The following SLAMF6 variants were observed in gnomAD, a reference collection of about 807,000 sequenced individuals.
SLAMF6 encodes the protein SLAM family member 6.
SLAMF6 carries 21 observed loss-of-function variants against 38.3 expected under a neutral mutation model. The observed-to-expected ratio is 0.55, with a 90% confidence interval of 0.39 to 0.79. The LOEUF (loss-of-function observed/expected upper bound fraction) is 0.79, where lower values mean the gene tolerates loss of function less well. Among genes scored for constraint, SLAMF6 ranks in the 30% least tolerant of loss-of-function variants. The probability of loss-of-function intolerance (pLI) is 0.00; values close to 1 mark genes in which losing one functional copy is unlikely to be tolerated. For synonymous variants in SLAMF6, 152 were observed against 146.3 expected, an observed-to-expected ratio of 1.04 and a Z score of -0.28; for missense variants, 341 against 385.3, an observed-to-expected ratio of 0.89 and a Z score of 0.96.
intron 1 of SLAMF6, among the ~76,000 whole-genome samples, chr1:160,505,984 T>A: frequency 6.6e-6 from 1 of 150,428 alleles, no homozygotes; most frequent in Admixed American, 6.6e-5. Context: ...AAGAAAAGAG[T>A]GAAGAAAAAT....
At chr1:160,498,205 A>G (rs1008848866) in intron 1 of SLAMF6, among the ~76,000 whole-genome samples, 3 of 152,016 alleles carry the variant, frequency 2.0e-5, no homozygotes, top group Non-Finnish European at 4.4e-5. Flanking sequence ...TGAAGGGTCC[A>G]GTTTCAATCT....
At chr1:160,492,773 C>T (rs1170241299) in intron 2 of SLAMF6, among the ~76,000 whole-genome samples, 1 of 152,168 alleles carries the variant, frequency 6.6e-6, no homozygotes, top group African/African-American at 2.4e-5. Context: ...TCCTTCCTAT[C>T]ACTGAGGCCA....
intron 1 of SLAMF6, among the ~76,000 whole-genome samples, chr1:160,497,373 C>T (rs374504122): frequency 6.6e-6 from 1 of 152,130 alleles, no homozygotes; most frequent in African/African-American, 2.4e-5. Flanking sequence ...CTGACCACGC[C>T]TTAATTAGCC....
At chr1:160,504,407 T>C (rs558060057) in intron 1 of SLAMF6, among the ~76,000 whole-genome samples, 30 of 152,250 alleles carry the variant, frequency 2.0e-4, no homozygotes, top group South Asian at 1.7e-3. Context: ...AAAAAAATCA[T>C]TGGGGAGCTT....
At chr1:160,511,129 T>C (rs1654450722) in intron 1 of SLAMF6, among the ~76,000 whole-genome samples, 1 of 152,182 alleles carries the variant, frequency 6.6e-6, no homozygotes, top group Non-Finnish European at 1.5e-5. Context: ...TGGAAGATAA[T>C]ATTAATATGC....
chr1:160,522,460 C>T (rs1655026971), intron 1 of SLAMF6, among the ~76,000 whole-genome samples: 1 of 152,150 alleles, frequency 6.6e-6, no homozygotes. Context: ...CTCCCGTGGA[C>T]CACTTGTAGT....
chr1:160,512,750 C>A (rs192202838), intron 1 of SLAMF6, among the ~76,000 whole-genome samples: 178 of 152,210 alleles, frequency 1.2e-3, no homozygotes, highest in Non-Finnish European at 1.8e-3. Context: ...GGGCCCCCAG[C>A]AAACTGCAGC....
intron 2 of SLAMF6, among the ~76,000 whole-genome samples, chr1:160,493,602 T>A (rs1653416584): frequency 6.6e-6 from 1 of 152,170 alleles, no homozygotes; most frequent in Non-Finnish European, 1.5e-5. Flanking sequence ...TTGGACGTTA[T>A]CCATGTCTAA....
In SLAMF6 at chr1:160,512,268, GGACCCA is replaced by G. The variant is rs1654509988; in HGVS notation, c.49+10870_49+10875del. On this transcript the variant is annotated intron_variant, in intron 1 of 7. Coordinates refer to ENST00000368057, the MANE Select transcript of SLAMF6 (RefSeq NM_001184714.2). ...TGTGGCCAGACTGCATCTTTAGGCT[GGACCCA>G]GACTCATCCCTCCTCACTGAATGGG... Among the ~76,000 whole-genome samples, 8 of 152,284 alleles carry G rather than the reference GGACCCA, an allele frequency of 5.3e-5. No individual in the cohort carries two copies. The South Asian group carries it at 1.7e-3, about 32-fold the overall frequency.
intron 1 of SLAMF6, among the ~76,000 whole-genome samples, chr1:160,505,397 C>A (rs1415513785): frequency 6.6e-6 from 1 of 151,936 alleles, no homozygotes; most frequent in Non-Finnish European, 1.5e-5. Flanking sequence ...TAGACAAAGT[C>A]TTTAAGTCAA....
At chr1:160,489,915 G>A (rs535213119) in intron 5 of SLAMF6, among the ~76,000 whole-genome samples, 1 of 152,272 alleles carries the variant, frequency 6.6e-6, no homozygotes, top group African/African-American at 2.4e-5. Flanking sequence ...TGGGTGACAA[G>A]GGATGATCCC....
chr1:160,502,593 G>A (rs746637351), intron 1 of SLAMF6, among the ~76,000 whole-genome samples: 12 of 152,086 alleles, frequency 7.9e-5, no homozygotes, highest in Non-Finnish European at 1.3e-4. Flanking sequence ...ATTAGTGGAG[G>A]GTTAGTTTGG....
intron 2 of SLAMF6, among the ~76,000 whole-genome samples, chr1:160,491,957 A>G (rs1189440000): frequency 6.6e-6 from 1 of 152,200 alleles, no homozygotes; most frequent in Non-Finnish European, 1.5e-5. Context: ...ACTCAGATGT[A>G]GAAGGTCAGC....
At chr1:160,502,656 G>T (rs1346622054) in intron 1 of SLAMF6, among the ~76,000 whole-genome samples, 1 of 152,172 alleles carries the variant, frequency 6.6e-6, no homozygotes, top group African/African-American at 2.4e-5. Flanking sequence ...TATAAAGAGA[G>T]CAGTGTCTTA....
chr1:160,510,324 T>C (rs757382399), intron 1 of SLAMF6, among the ~76,000 whole-genome samples: 28 of 152,128 alleles, frequency 1.8e-4, no homozygotes, highest in South Asian at 1.5e-3. Context: ...CTTATGAATA[T>C]TGATGCAAAA....
intron 2 of SLAMF6, among the ~76,000 whole-genome samples, chr1:160,492,213 T>G (rs928528015): frequency 1.1e-4 from 17 of 152,134 alleles, no homozygotes; most frequent in African/African-American, 4.1e-4. Flanking sequence ...TGGCCTGAGG[T>G]TTGAAGTAAA....
intron 1 of SLAMF6, among the ~76,000 whole-genome samples, chr1:160,520,827 C>T (rs1302092678): frequency 1.3e-5 from 2 of 152,184 alleles, no homozygotes; most frequent in African/African-American, 2.4e-5. Context: ...ATTTGCCCCA[C>T]ATTTTTGCAA....
At chr1:160,504,882 G>T (rs952200371) in intron 1 of SLAMF6, among the ~76,000 whole-genome samples, 9 of 152,162 alleles carry the variant, frequency 5.9e-5, no homozygotes, top group Non-Finnish European at 1.3e-4. Context: ...ACTTAGAAAA[G>T]TTCTGAGAAG....
intron 1 of SLAMF6, among the ~76,000 whole-genome samples, chr1:160,497,089 T>C (rs1020797555): frequency 6.6e-6 from 1 of 152,198 alleles, no homozygotes; most frequent in African/African-American, 2.4e-5. Flanking sequence ...TGTGCTGTCT[T>C]CATGATACCA....
Sources: gnomAD v4.1 joint callset for allele counts (sites outside exome capture counted in the v4.1 genomes callset) on GRCh38, gnomAD v4.1.1 for gene constraint, MANE v1.5 for transcripts, NCBI Gene and HGNC (gene_info 2026-07-23, HGNC 2026-07-21) for gene names.